PUM1: variants seen among roughly 807,000 people sequenced by gnomAD.
PUM1 encodes pumilio homolog 1.
Under a neutral mutation model 131.8 loss-of-function variants are expected in PUM1, and 13 were observed. That is an observed-to-expected ratio of 0.10 (90% CI 0.06 to 0.16). PUM1 has a LOEUF of 0.16. Among genes scored for constraint, PUM1 ranks in the 10% least tolerant of loss-of-function variants. PUM1 has a pLI of 1.00. For missense variants in PUM1, 961 were observed against 1,512.4 expected (o/e 0.64, Z 6.05); for synonymous variants, 509 against 556.5 (o/e 0.91, Z 1.20).
chr1:30,997,576 G>C (rs1395976430), intron 5 of PUM1, among the ~76,000 whole-genome samples: 5 of 150,218 alleles, frequency 3.3e-5, no homozygotes, highest in Admixed American at 6.7e-5. Flanking sequence ...CAAGACAGCT[G>C]GTTGCAGGGG....
At chr1:30,978,358 G>A (rs1057354275) in intron 9 of PUM1, among the ~76,000 whole-genome samples, 24 of 152,224 alleles carry the variant, frequency 1.6e-4, no homozygotes, top group African/African-American at 5.8e-4. Flanking sequence ...GACAATGCCT[G>A]ACAAAAGTTA....
At chr1:31,063,846 T>C (rs1434336134) in intron 1 of PUM1, among the ~76,000 whole-genome samples, 1 of 152,222 alleles carries the variant, frequency 6.6e-6, no homozygotes, top group Non-Finnish European at 1.5e-5. Context: ...AGAGAAAACC[T>C]GGCAGAACAG....
chr1:30,971,872 G>C (rs960902740), intron 10 of PUM1, among the ~76,000 whole-genome samples: 1 of 152,140 alleles, frequency 6.6e-6, no homozygotes, highest in Non-Finnish European at 1.5e-5. Flanking sequence ...AATTACTTTA[G>C]TCTTCCAAAT....
At chr1:30,994,959 GA>G in intron 6 of PUM1, 94 bp downstream of exon 6, 1 of 1,293,314 alleles carries the variant, frequency 7.7e-7, no homozygotes, top group South Asian at 1.4e-5. Flanking sequence ...AAAACATGAA[GA>G]GGGGAAGAAA....
intron 2 of PUM1, among the ~76,000 whole-genome samples, chr1:31,051,734 C>T (rs1644114395): frequency 6.6e-6 from 1 of 152,076 alleles, no homozygotes; most frequent in African/African-American, 2.4e-5. Context: ...GTGGAACTGT[C>T]CTCCAAATTT....
intron 16 of PUM1, among the ~76,000 whole-genome samples, chr1:30,950,693 C>G (rs1439517777): frequency 6.6e-6 from 1 of 152,182 alleles, no homozygotes; most frequent in Non-Finnish European, 1.5e-5. Flanking sequence ...AATCCTGCCT[C>G]TACTAAAAAC....
chr1:30,935,866 C>CA (rs2124376430), intron 21 of PUM1: 1 of 337,270 alleles, frequency 3.0e-6, no homozygotes, highest in African/African-American at 2.5e-5. Context: ...AGGCTGGAGG[C>CA]ACTGCCCAGC....
At chr1:31,038,381 T>C (rs1314716057) in intron 2 of PUM1, among the ~76,000 whole-genome samples, 2 of 152,174 alleles carry the variant, frequency 1.3e-5, no homozygotes, top group African/African-American at 4.8e-5. Flanking sequence ...GGACTAGGCA[T>C]TGCAGAAATG....
At chr1:30,994,205 T>C (rs1456209283) in intron 6 of PUM1, among the ~76,000 whole-genome samples, 1 of 152,190 alleles carries the variant, frequency 6.6e-6, no homozygotes, top group East Asian at 1.9e-4. Context: ...AAAATACATT[T>C]TCATTTTGAC....
chr1:30,957,335 C>G (rs1640210837), intron 14 of PUM1, among the ~76,000 whole-genome samples: 1 of 152,150 alleles, frequency 6.6e-6, no homozygotes, highest in Non-Finnish European at 1.5e-5. Context: ...AAATAAATAT[C>G]TGACCATCAG....
rs188888650 is a variant in PUM1, at chr1:30,987,760, G to A, written c.1158+4630C>T. 6.8e-4 allele frequency among the ~76,000 whole-genome samples: 104 copies of A among 152,206 alleles called. 1 individual carries two copies. Among genetic ancestry groups the A allele is most frequent in the African/African-American group, 2.4e-3 (99 of 41,528 alleles). On this transcript the variant is annotated intron_variant, in intron 7 of 21. Coordinates refer to ENST00000426105, the MANE Select transcript of PUM1 (RefSeq NM_001020658.2). ...TCTGAACCCAAGATATTTGTACTTGGGTGGGTAATACTGCATCTTTATCTC... is the reference window on the plus strand; with the variant it reads ...TCTGAACCCAAGATATTTGTACTTGAGTGGGTAATACTGCATCTTTATCTC...
intron 1 of PUM1, among the ~76,000 whole-genome samples, chr1:31,062,417 C>A (rs1172912596): frequency 6.6e-6 from 1 of 152,050 alleles, no homozygotes; most frequent in East Asian, 1.9e-4. Context: ...GGTCAGAATT[C>A]CAGACCAGCC....
At chr1:30,984,914 C>G (rs968879095) in intron 7 of PUM1, among the ~76,000 whole-genome samples, 1 of 151,952 alleles carries the variant, frequency 6.6e-6, no homozygotes, top group African/African-American at 2.4e-5. Context: ...AAAAGACTAC[C>G]GCCCCCACTC....
intron 18 of PUM1, among the ~76,000 whole-genome samples, chr1:30,942,633 A>G (rs938300907): frequency 6.6e-6 from 1 of 152,092 alleles, no homozygotes; most frequent in African/African-American, 2.4e-5. Flanking sequence ...AAAGCACACT[A>G]CCCTTGAGAT....
chr1:30,943,256 A>T (rs1639533512), intron 18 of PUM1, among the ~76,000 whole-genome samples: 1 of 152,038 alleles, frequency 6.6e-6, no homozygotes, highest in South Asian at 2.1e-4. Context: ...CATGGTATAT[A>T]CAAAGAATTT....
intron 5 of PUM1, among the ~76,000 whole-genome samples, chr1:31,003,845 A>T (rs1181111933): frequency 6.6e-6 from 1 of 152,172 alleles, no homozygotes; most frequent in Non-Finnish European, 1.5e-5. Context: ...GCTTGATGTC[A>T]CTAGATCAGT....
chr1:30,967,004 T>G, intron 12 of PUM1, 163 bp downstream of exon 12: 1 of 453,906 alleles, frequency 2.2e-6, no homozygotes, highest in South Asian at 4.3e-5. Flanking sequence ...AAAAGGAGAA[T>G]CCACTAAGGT....
At chr1:30,978,912 T>C (rs1323912643) in intron 9 of PUM1, among the ~76,000 whole-genome samples, 1 of 152,216 alleles carries the variant, frequency 6.6e-6, no homozygotes, top group East Asian at 1.9e-4. Context: ...AACACCAGCC[T>C]AGGCAACGCT....
intron 2 of PUM1, 37 bp downstream of exon 2, chr1:31,059,167 A>C (rs748879044): frequency 6.6e-7 from 1 of 1,523,880 alleles, no homozygotes; most frequent in South Asian, 1.3e-5. Flanking sequence ...GTGATTATAA[A>C]GGAATGTCAA....
Sources: gnomAD v4.1 joint callset for allele counts (sites outside exome capture counted in the v4.1 genomes callset) on GRCh38, gnomAD v4.1.1 for gene constraint, MANE v1.5 for transcripts, NCBI Gene and HGNC (gene_info 2026-07-23, HGNC 2026-07-21) for gene names.